Variants in COIL observed in about 807,000 individuals in gnomAD.
COIL encodes coilin.
Under a neutral mutation model 51.6 loss-of-function variants are expected in COIL, and 28 were observed. That is an observed-to-expected ratio of 0.54 (90% confidence interval 0.40 to 0.74). The LOEUF is 0.74. COIL is among the 30% of genes least tolerant of loss of function. The pLI is 0.00. For synonymous variants in COIL, 233 were observed against 255.8 expected (o/e 0.91, Z 0.85); for missense variants, 667 against 685.9 (o/e 0.97, Z 0.31).
rs1296779329 is a variant in COIL at position 56,949,913 on chromosome 17, T to C, written c.1329A>G (p.Val443=). 17 of 1,613,696 alleles carry C rather than the reference T, an allele frequency of 1.1e-5. No homozygotes were observed. The highest frequency in any genetic ancestry group is 1.2e-5 in the Non-Finnish European group (14 of 1,179,926). ...CCTGGATAATAGTAGATGAATTTTTTACCACGTCATTTAATTGCTGTTGCC... is the reference window on the plus strand; with the variant it reads ...CCTGGATAATAGTAGATGAATTTTTCACCACGTCATTTAATTGCTGTTGCC... ...NQRQQQLNDV[V]KNSSTIIQNP... is the part of the protein sequence containing the mutation. Residue 443 remains valine (V), a synonymous_variant, in exon 2 of 7, where the codon GTA becomes GTG. Transcript: ENST00000240316.
At chr17:56,957,292 G>A (rs1283957998) in intron 1 of COIL, among the ~76,000 whole-genome samples, 1 of 150,456 alleles carries the variant, frequency 6.6e-6, no homozygotes, top group Non-Finnish European at 1.5e-5. Context: ...TCTGAGGGCT[G>A]CACGATTAAA....
rs202046399 is a variant in COIL, at chr17:56,942,056, G to A, written c.1626C>T (p.Tyr542=). 105 of 1,613,932 alleles carry A rather than the reference G, an allele frequency of 6.5e-5. No individual in the cohort carries two copies. The highest frequency in any genetic ancestry group is 1.6e-4 in the Middle Eastern group (1 of 6,062). The change falls in exon 6 of 7, where the codon TAC becomes TAT. Residue 542 remains tyrosine, a synonymous_variant. Coordinates refer to ENST00000240316, the MANE Select transcript of COIL (RefSeq NM_004645.3). ...HNENGAEVVE[Y]AVTQESKITV... is the part of the protein sequence containing the mutation. ...CTACCTTGCTCTCCTGTGTCACAGCGTACTCCACTACCTCGGCTCCATTTT... is the reference window on the plus strand; with the variant it reads ...CTACCTTGCTCTCCTGTGTCACAGCATACTCCACTACCTCGGCTCCATTTT...
Position 56,938,356 on chromosome 17 carries a change from A to G in COIL, c.*715T>C, listed in dbSNP as rs1237282476. The G allele has an allele frequency of 6.6e-6, 1 of 152,240 alleles. No homozygotes were observed. The highest frequency in any genetic ancestry group is 1.5e-5 in the Non-Finnish European group (1 of 68,040). The allele number at this position is 152,240 out of a possible 1,614,324, so 9.4% of individuals were successfully genotyped here. On this transcript the variant is annotated 3_prime_UTR_variant, in exon 7 of 7. Transcript: ENST00000240316. Reference sequence around the variant, plus strand: ...AGTTTCTGTTCAAGATCCTCACTCCAGCACACTCAGCCAGGTGCCTGGCAA... The same window carrying G: ...AGTTTCTGTTCAAGATCCTCACTCCGGCACACTCAGCCAGGTGCCTGGCAA...
chr17:56,943,746 T>C (rs1045293775), intron 5 of COIL, among the ~76,000 whole-genome samples: 2 of 152,216 alleles, frequency 1.3e-5, no homozygotes, highest in African/African-American at 4.8e-5. Flanking sequence ...AGTTAACATA[T>C]GCAATGTTGC....
Position 56,949,766 on chromosome 17 carries a change from T to C in COIL, c.1355A>G (p.Asn452Ser). ...VVKNSSTIIQ[N>S]PVETPKKDYS... ...GTCCTTCTTGGGTGTCTCTACTGGA[T>C]TCTGAAAAACAGTGTTAGTCATGTG... Residue 452 changes from asparagine (N) to serine (S), a missense_variant and splice_region_variant, in exon 3 of 7, where the codon AAT becomes AGT. By Grantham distance (46) the Asn-to-Ser change is conservative. Transcript: ENST00000240316. 6.2e-7 allele frequency: 1 copy of C among 1,614,092 alleles called. No individual in the cohort carries two copies. Among genetic ancestry groups the C allele is most frequent in the Non-Finnish European group, 8.5e-7 (1 of 1,179,934 alleles).
At chr17:56,946,953 C>T (rs139842354) in intron 4 of COIL, among the ~76,000 whole-genome samples, 4 of 152,140 alleles carry the variant, frequency 2.6e-5, no homozygotes, top group African/African-American at 7.2e-5. Flanking sequence ...CTTTTAGAAC[C>T]CTTCTAAAAC....
chr17:56,947,095 G>A (rs1263296811), intron 4 of COIL, among the ~76,000 whole-genome samples: 3 of 152,154 alleles, frequency 2.0e-5, no homozygotes, highest in African/African-American at 4.8e-5. Context: ...GCCCATGCAC[G>A]TGGGCGATGG....
intron 1 of COIL, among the ~76,000 whole-genome samples, chr17:56,958,052 T>C (rs1468167571): frequency 6.6e-6 from 1 of 152,382 alleles, no homozygotes; most frequent in Non-Finnish European, 1.5e-5. Flanking sequence ...AACAGAATGC[T>C]TTGGCTGGTC....
chr17:56,952,830 T>C (rs1405047085), intron 1 of COIL, among the ~76,000 whole-genome samples: 4 of 152,144 alleles, frequency 2.6e-5, no homozygotes, highest in Non-Finnish European at 5.9e-5. Flanking sequence ...ACTGGTTATG[T>C]TTCTCTGAAT....
rs755263920 is a variant in COIL at position 56,949,680 on chromosome 17, C to T, written c.1440+1G>A. ...GCTGTGACTGTTCTTTTGAAATATACCTTAAATGCAATCTTTTCTCCAACT... is the reference window on the plus strand; with the variant it reads ...GCTGTGACTGTTCTTTTGAAATATATCTTAAATGCAATCTTTTCTCCAACT... On this transcript the variant is annotated splice_donor_variant, in intron 3 of 6. Coordinates refer to ENST00000240316, the MANE Select transcript of COIL (RefSeq NM_004645.3). LOFTEE classifies it high-confidence loss of function. 6.2e-7 allele frequency: 1 copy of T among 1,612,178 alleles called. No individual in the cohort carries two copies. Among genetic ancestry groups the T allele is most frequent in the Non-Finnish European group, 8.5e-7 (1 of 1,178,202 alleles).
chr17:56,959,835 A>C (rs1298471587), intron 1 of COIL, among the ~76,000 whole-genome samples: 1 of 152,270 alleles, frequency 6.6e-6, no homozygotes, highest in East Asian at 1.9e-4. Context: ...AGGCTGAAAG[A>C]AAGCCTGGCC....
chr17:56,941,288 G>C (rs1910143152), intron 6 of COIL: 1 of 152,194 alleles, frequency 6.6e-6, no homozygotes, highest in Non-Finnish European at 1.5e-5. Flanking sequence ...GCCAGGCATG[G>C]TGGCTCACCC....
intron 2 of COIL, 48 bp from the exon 3 acceptor site, chr17:56,949,815 T>C (rs1390472163): frequency 1.9e-6 from 3 of 1,612,012 alleles, no homozygotes; most frequent in Non-Finnish European, 2.5e-6. Context: ...TGAGAAAATG[T>C]GAATCCATGA....
At chr17:56,953,423 A>AC (rs1567854049) in intron 1 of COIL, among the ~76,000 whole-genome samples, 1 of 151,072 alleles carries the variant, frequency 6.6e-6, no homozygotes. Flanking sequence ...AAAAAAAAAA[A>AC]AAAAAAAATA....
intron 4 of COIL, among the ~76,000 whole-genome samples, chr17:56,948,783 ACC>A (rs1910300655): frequency 6.7e-6 from 1 of 149,040 alleles, no homozygotes; most frequent in Non-Finnish European, 1.5e-5. Flanking sequence ...ACCTGTGGTT[ACC>A]TGATAATGCA....
At chr17:56,948,132 A>ATTTT (rs11450212) in intron 4 of COIL, among the ~76,000 whole-genome samples, 7 of 123,824 alleles carry the variant, frequency 5.7e-5, no homozygotes, top group Admixed American at 9.2e-5. Context: ...TTGAGGAAAG[A>ATTTT]TTTTTTTTTT....
At chr17:56,943,573 T>C (rs1453938246) in intron 5 of COIL, among the ~76,000 whole-genome samples, 4 of 152,266 alleles carry the variant, frequency 2.6e-5, no homozygotes, top group Non-Finnish European at 2.9e-5. Context: ...CACAACTGCA[T>C]GCTCTGCTCT....
chr17:56,948,597 G>A (rs1320905433), intron 4 of COIL, among the ~76,000 whole-genome samples: 1 of 151,298 alleles, frequency 6.6e-6, no homozygotes, highest in Non-Finnish European at 1.5e-5. Context: ...AAAAAAGAAA[G>A]AATGCACTTT....
chr17:56,951,464 G>C (rs1156844301), intron 1 of COIL: 3 of 153,748 alleles, frequency 2.0e-5, no homozygotes, highest in Non-Finnish European at 4.3e-5. Context: ...GTTTCAGAAT[G>C]TGGGCTTCTT....
Sources: gnomAD v4.1 joint callset for allele counts (sites outside exome capture counted in the v4.1 genomes callset) on GRCh38, gnomAD v4.1.1 for gene constraint, MANE v1.5 for transcripts, NCBI Gene and HGNC (gene_info 2026-07-23, HGNC 2026-07-21) for gene names.